DDHD1: variants seen among roughly 807,000 people sequenced by gnomAD.
DDHD1 encodes phospholipase DDHD1.
DDHD1 carries 49 observed loss-of-function variants against 96.4 expected under a neutral mutation model. The ratio of observed to expected loss-of-function variants is 0.51; its 90% CI spans 0.40 to 0.64. The LOEUF is 0.64. Among genes scored for constraint, DDHD1 ranks in the 30% least tolerant of loss-of-function variants. The pLI is 0.00. For missense variants in DDHD1, 1,106 were observed against 1,161.2 expected, an observed-to-expected ratio of 0.95 and a Z score of 0.69; for synonymous variants, 442 against 446.5, an observed-to-expected ratio of 0.99 and a Z score of 0.13.
chr14:53,051,583 C>G (rs1882574616), intron 12 of DDHD1, among the ~76,000 whole-genome samples: 1 of 151,934 alleles, frequency 6.6e-6, no homozygotes, highest in South Asian at 2.1e-4. Flanking sequence ...TGACCTTATG[C>G]TTTTCTTCAG....
chr14:53,151,493 C>T (rs1891364666), intron 1 of DDHD1, among the ~76,000 whole-genome samples: 3 of 152,220 alleles, frequency 2.0e-5, no homozygotes, highest in Admixed American at 2.0e-4. Context: ...ACTCATATCA[C>T]ACGTAAGTAC....
chr14:53,123,594 T>C (rs1283702963), intron 1 of DDHD1, among the ~76,000 whole-genome samples: 1 of 152,226 alleles, frequency 6.6e-6, no homozygotes, highest in African/African-American at 2.4e-5. Flanking sequence ...ACTGGAACTA[T>C]ATGCATCAGT....
At position 53,040,217 on chromosome 14, in the gene DDHD1, T is replaced by C. The variant is rs770029514; in HGVS notation, c.*6551A>G. 2.6e-5 allele frequency: 4 copies of C among 152,144 alleles called. No individual in the cohort carries two copies. The highest frequency in any genetic ancestry group is 5.9e-5 in the Non-Finnish European group (4 of 68,024). 9.4% of individuals were successfully genotyped at this position (152,144 alleles called of 1,614,324 possible). A position where few individuals can be genotyped will look rare whatever the true frequency, so the allele number is the denominator to read the frequency against. The stretch of plus-strand genomic sequence containing the variant: ...ACTGACTGAACCCTGGACTGAGAAA[T>C]TGTGAATGAACCATAATCAGAATAT... On this transcript the variant is annotated 3_prime_UTR_variant, in exon 13 of 13. Transcript: ENST00000673822.
intron 1 of DDHD1, among the ~76,000 whole-genome samples, chr14:53,132,296 T>G (rs945982991): frequency 6.6e-6 from 1 of 152,202 alleles, no homozygotes; most frequent in African/African-American, 2.4e-5. Context: ...TGTTTCAGGC[T>G]GGCCCCCACG....
In DDHD1 at chr14:53,111,677, T is replaced by G. The variant is rs545914101; in HGVS notation, c.839-7821A>C. Among the ~76,000 whole-genome samples, 5 of 152,330 alleles carry G rather than the reference T, an allele frequency of 3.3e-5. No homozygotes were observed. In the East Asian group the frequency reaches 9.6e-4, roughly 29 times the overall value. On this transcript the variant is annotated intron_variant, in intron 1 of 12. Coordinates refer to ENST00000673822, the MANE Select transcript of DDHD1 (RefSeq NM_001160148.2). ...ACATTAGACTCAGCAAATTAAGAAT[T>G]TTTCACTTTAATGCTTGATATGTAA...
chr14:53,051,054 G>GTT (rs760678139), intron 12 of DDHD1, among the ~76,000 whole-genome samples: 8 of 137,324 alleles, frequency 5.8e-5, no homozygotes, highest in South Asian at 2.4e-4. Flanking sequence ...TAATGTAAGA[G>GTT]TTTTTTTTTT....
intron 4 of DDHD1, among the ~76,000 whole-genome samples, chr14:53,080,648 TAGA>T (rs939862990): frequency 6.6e-6 from 1 of 151,732 alleles, no homozygotes; most frequent in African/African-American, 2.4e-5. Context: ...TCCTAAGTTC[TAGA>T]AGAATTCAAA....
intron 1 of DDHD1, among the ~76,000 whole-genome samples, chr14:53,146,262 G>C (rs533975774): frequency 6.6e-6 from 1 of 152,042 alleles, no homozygotes; most frequent in African/African-American, 2.4e-5. Flanking sequence ...CCAGCACTTT[G>C]GGAGGCCAAG....
intron 1 of DDHD1, among the ~76,000 whole-genome samples, chr14:53,140,486 G>T (rs1192639871): frequency 6.6e-6 from 1 of 152,086 alleles, no homozygotes; most frequent in Non-Finnish European, 1.5e-5. Context: ...AGCTGAGATT[G>T]TGCCACTGCA....
chr14:53,073,317 A>G (rs1884680124), intron 5 of DDHD1, among the ~76,000 whole-genome samples: 1 of 152,048 alleles, frequency 6.6e-6, no homozygotes, highest in African/African-American at 2.4e-5. Context: ...AAAACAAAAA[A>G]CCTGAGATTT....
intron 1 of DDHD1, among the ~76,000 whole-genome samples, chr14:53,132,174 C>T (rs1266509896): frequency 6.6e-6 from 1 of 152,110 alleles, no homozygotes; most frequent in East Asian, 1.9e-4. Flanking sequence ...CTAACTCATC[C>T]CAACCCTTTT....
chr14:53,139,684 TCAAAA>T (rs1223996718), intron 1 of DDHD1, among the ~76,000 whole-genome samples: 2 of 151,434 alleles, frequency 1.3e-5, no homozygotes, highest in African/African-American at 4.9e-5. Flanking sequence ...AGACCCTGTC[TCAAAA>T]CAAAAACAAA....
intron 4 of DDHD1, among the ~76,000 whole-genome samples, chr14:53,085,742 C>T (rs1169074824): frequency 6.6e-6 from 1 of 152,212 alleles, no homozygotes; most frequent in African/African-American, 2.4e-5. Flanking sequence ...CACCTCGTCT[C>T]CTCCAAAGGA....
intron 5 of DDHD1, 69 bp downstream of exon 5, chr14:53,073,672 A>T: frequency 7.3e-7 from 1 of 1,375,148 alleles, no homozygotes; most frequent in Non-Finnish European, 1.0e-6. Flanking sequence ...GTGTTTTCTA[A>T]AACTTTCTGC....
At position 53,038,502 on chromosome 14, in the gene DDHD1, A is replaced by C. The variant is rs1881420363; in HGVS notation, c.*8266T>G. On this transcript the variant is annotated 3_prime_UTR_variant, in exon 13 of 13. Coordinates refer to ENST00000673822, the MANE Select transcript of DDHD1 (RefSeq NM_001160148.2). The stretch of plus-strand genomic sequence containing the variant: ...TACAAGGAGAACTACAAAACATGGC[A>C]GAAAGAAATCAGGGATGAAACCAAA... 1 of 152,166 alleles carries C rather than the reference A, an allele frequency of 6.6e-6. No homozygotes were observed. The highest frequency in any genetic ancestry group is 2.1e-4 in the South Asian group (1 of 4,836). The allele number at this position is 152,166 out of a possible 1,614,324, so 9.4% of individuals were successfully genotyped here. A position where few individuals can be genotyped will look rare whatever the true frequency, so the allele number is the denominator to read the frequency against.
chr14:53,145,060 G>C (rs1431157638), intron 1 of DDHD1, among the ~76,000 whole-genome samples: 2 of 152,328 alleles, frequency 1.3e-5, no homozygotes, highest in East Asian at 1.9e-4. Context: ...TGAGGAACGA[G>C]AATTTTTTGA....
chr14:53,051,327 T>A (rs887003470), intron 12 of DDHD1, among the ~76,000 whole-genome samples: 4 of 152,024 alleles, frequency 2.6e-5, no homozygotes, highest in African/African-American at 9.6e-5. Context: ...TAAAAATATC[T>A]CTTACATCCA....
chr14:53,077,977 T>G (rs967922561), intron 4 of DDHD1, among the ~76,000 whole-genome samples: 2 of 152,216 alleles, frequency 1.3e-5, no homozygotes, highest in African/African-American at 2.4e-5. Flanking sequence ...CTTTTCATTG[T>G]TGAATAGTAT....
intron 1 of DDHD1, among the ~76,000 whole-genome samples, chr14:53,137,774 G>C (rs1339995918): frequency 1.3e-5 from 2 of 152,176 alleles, no homozygotes; most frequent in East Asian, 3.9e-4. Flanking sequence ...TTTGATGAAA[G>C]TGATAAACCC....
Sources: allele counts gnomAD v4.1 joint callset (sites outside exome capture counted in the v4.1 genomes callset), GRCh38; gene constraint gnomAD v4.1.1; transcripts MANE v1.5; gene names NCBI Gene and HGNC (gene_info 2026-07-23, HGNC 2026-07-21).